Variants in AQP11 observed in about 807,000 individuals in gnomAD.
AQP11 encodes the protein aquaporin-11.
Under a neutral mutation model 21.1 loss-of-function variants are expected in AQP11, and 20 were observed. The observed-to-expected ratio is 0.95, with a 90% CI of 0.67 to 1.38. AQP11 has a LOEUF of 1.38. AQP11 is among the 40% of genes most tolerant of loss of function. The pLI is 0.00. For missense variants in AQP11, 339 were observed against 340.4 expected (o/e 1.00, Z 0.03); for synonymous variants, 167 against 150.1 (o/e 1.11, Z -0.82).
chr11:77,602,645 C>G (rs1029336401), intron 1 of AQP11, among the ~76,000 whole-genome samples: 3 of 152,156 alleles, frequency 2.0e-5, no homozygotes, highest in Non-Finnish European at 2.9e-5. Flanking sequence ...TGTTCTCGGC[C>G]TATTCAAGTG....
At chr11:77,603,183 A>T (rs533727938) in intron 1 of AQP11, among the ~76,000 whole-genome samples, 12 of 152,168 alleles carry the variant, frequency 7.9e-5, no homozygotes, top group Non-Finnish European at 1.6e-4. Context: ...GGGTCATTGT[A>T]TCTATTTAAC....
intron 2 of AQP11, among the ~76,000 whole-genome samples, chr11:77,607,816 A>G (rs1272596734): frequency 1.3e-5 from 2 of 152,070 alleles, no homozygotes; most frequent in Non-Finnish European, 1.5e-5. Flanking sequence ...ATTTCATACA[A>G]TGAAAAGTAG....
chr11:77,604,132 G>C lies in AQP11; in HGVS notation c.736+460G>C, dbSNP rs1267362067. On this transcript the variant is annotated intron_variant, in intron 2 of 2. Coordinates refer to ENST00000313578, the MANE Select transcript of AQP11 (RefSeq NM_173039.3). ...TTGTTTTTGTTTTGTTTTTTTTCGA[G>C]ACAGGGTCTCTCTTTGTCACCCAGG... is the stretch of plus-strand genomic sequence containing the variant. 3.3e-5 allele frequency among the ~76,000 whole-genome samples: 5 copies of C among 151,760 alleles called. No homozygotes were observed. In the East Asian group the frequency reaches 7.7e-4, roughly 23 times the overall value.
chr11:77,600,796 A>C (rs903781778), intron 1 of AQP11, among the ~76,000 whole-genome samples: 2 of 152,102 alleles, frequency 1.3e-5, no homozygotes, highest in Non-Finnish European at 2.9e-5. Flanking sequence ...GCGGATCACG[A>C]GGTCAGGAGA....
intron 1 of AQP11, among the ~76,000 whole-genome samples, chr11:77,601,798 C>T (rs1958816985): frequency 6.6e-6 from 1 of 152,224 alleles, no homozygotes; most frequent in Non-Finnish European, 1.5e-5. Flanking sequence ...CAGTTGTCAG[C>T]TGTCATCTAA....
chr11:77,608,413 G>C (rs1958858555), intron 2 of AQP11, among the ~76,000 whole-genome samples: 1 of 152,098 alleles, frequency 6.6e-6, no homozygotes, highest in South Asian at 2.1e-4. Flanking sequence ...ATGAGTTCGA[G>C]ACCAGACTGG....
chr11:77,606,354 T>C lies in AQP11; in HGVS notation c.736+2682T>C, dbSNP rs924659208. Among the ~76,000 whole-genome samples, 8 of 152,132 alleles carry C rather than the reference T, an allele frequency of 5.3e-5. No individual in the cohort carries two copies. The East Asian group carries it at 1.5e-3, about 29-fold the overall frequency. On this transcript the variant is annotated intron_variant, in intron 2 of 2. Transcript: ENST00000313578. ...AGCCTCACGATAGATAAAAAAGGAATGCTAAATCTTCTCCCTTTACAGAGC... is the reference window on the plus strand; with the variant it reads ...AGCCTCACGATAGATAAAAAAGGAACGCTAAATCTTCTCCCTTTACAGAGC...
chr11:77,592,401 T>A (rs903329783), intron 1 of AQP11, among the ~76,000 whole-genome samples: 1 of 152,178 alleles, frequency 6.6e-6, no homozygotes, highest in Non-Finnish European at 1.5e-5. Flanking sequence ...ATGAACAGAA[T>A]TGTCACTGCA....
At chr11:77,590,954 T>C (rs1434285992) in intron 1 of AQP11, 20 of 985,330 alleles carry the variant, frequency 2.0e-5, no homozygotes, top group Non-Finnish European at 2.4e-5. Context: ...GCCAAGGTGG[T>C]ATAGATCGTT....
intron 1 of AQP11, among the ~76,000 whole-genome samples, chr11:77,592,955 G>A (rs1398612713): frequency 1.3e-5 from 2 of 152,230 alleles, no homozygotes; most frequent in African/African-American, 4.8e-5. Context: ...CTTCACAGGT[G>A]ATCCCATTAT....
chr11:77,597,747 A>T (rs1288490259), intron 1 of AQP11, among the ~76,000 whole-genome samples: 3 of 151,570 alleles, frequency 2.0e-5, no homozygotes, highest in African/African-American at 7.3e-5. Flanking sequence ...TTAGAGAGGT[A>T]TTTTCTTTTT....
At position 77,592,320 on chromosome 11, in the gene AQP11, G is replaced by A. The variant is rs368596986; in HGVS notation, c.619+1709G>A. On this transcript the variant is annotated intron_variant, in intron 1 of 2. Coordinates refer to ENST00000313578, the MANE Select transcript of AQP11 (RefSeq NM_173039.3). ...AAGAGTGACAAGTACAGGCATATTTGAGGGATTGGTGGGTAGTTGCTTATT... is the reference window on the plus strand; with the variant it reads ...AAGAGTGACAAGTACAGGCATATTTAAGGGATTGGTGGGTAGTTGCTTATT... Among the ~76,000 whole-genome samples, 92 of 152,208 alleles carry A rather than the reference G, an allele frequency of 6.0e-4. 1 individual carries two copies. In the South Asian group the frequency reaches 0.018, roughly 30 times the overall value.
chr11:77,590,993 G>A (rs1958744364), intron 1 of AQP11: 4 of 985,256 alleles, frequency 4.1e-6, no homozygotes, highest in Non-Finnish European at 4.8e-6. Flanking sequence ...AAATGATCCT[G>A]GCTTTACAAA....
chr11:77,607,445 T>C (rs1958853109), intron 2 of AQP11, among the ~76,000 whole-genome samples: 1 of 152,112 alleles, frequency 6.6e-6, no homozygotes, highest in Non-Finnish European at 1.5e-5. Context: ...AATCCCAAGG[T>C]ATCCACCTTC....
rs750807297 is a variant in AQP11 at position 77,590,178 on chromosome 11, C to T, written c.186C>T (p.His62=). 2 of 1,602,684 alleles carry T rather than the reference C, an allele frequency of 1.2e-6. No individual in the cohort carries two copies. The highest frequency in any genetic ancestry group is 1.7e-6 in the Non-Finnish European group (2 of 1,176,034). The change falls in exon 1 of 3, where the codon CAC becomes CAT. Residue 62 remains histidine, a synonymous_variant. Transcript: ENST00000313578. The part of the protein sequence containing the change: ...LATFQLCCCT[H]ELQLLSEQHP... ...CCTTCCAGCTCTGCTGCTGCACCCA[C>T]GAGCTGCAACTGCTGAGCGAACAGC...
At chr11:77,599,238 C>G (rs960990973) in intron 1 of AQP11, among the ~76,000 whole-genome samples, 18 of 151,792 alleles carry the variant, frequency 1.2e-4, no homozygotes, top group Non-Finnish European at 2.5e-4. Context: ...TTATAGGCAC[C>G]TGCCACCACA....
At chr11:77,595,925 C>T (rs2135745159) in intron 1 of AQP11, among the ~76,000 whole-genome samples, 1 of 151,806 alleles carries the variant, frequency 6.6e-6, no homozygotes, top group Non-Finnish European at 1.5e-5. Flanking sequence ...TGCACTTCAG[C>T]CTGAGCAACA....
chr11:77,591,242 T>C, intron 1 of AQP11: 1 of 964,644 alleles, frequency 1.0e-6, no homozygotes, highest in Non-Finnish European at 1.2e-6. Flanking sequence ...AAATTAAAGA[T>C]GCTTTTTAAA....
rs1488795531 is a variant in AQP11, at chr11:77,590,485, A to G, written c.493A>G (p.Lys165Glu). 1.9e-6 allele frequency: 3 copies of G among 1,614,068 alleles called. No individual in the cohort carries two copies. Among genetic ancestry groups the G allele is most frequent in the Non-Finnish European group, 2.5e-6 (3 of 1,180,046 alleles). The change falls in exon 1 of 3, where the codon AAA (lysine) becomes GAA (glutamate). Residue 165 changes from lysine to glutamate, a missense_variant. Lys to Glu is a moderately conservative substitution (Grantham distance 56). Coordinates refer to ENST00000313578, the MANE Select transcript of AQP11 (RefSeq NM_173039.3). Reference protein sequence around the residue: ...CKNPIRVDLLKAVITEAVCSF... With the variant: ...CKNPIRVDLLEAVITEAVCSF... ...GAATCCCATCCGAGTCGACTTGCTCAAAGCGGTCATCACAGAGGCCGTCTG... is the reference window on the plus strand; with the variant it reads ...GAATCCCATCCGAGTCGACTTGCTCGAAGCGGTCATCACAGAGGCCGTCTG...
Sources: gnomAD v4.1 joint callset for allele counts (sites outside exome capture counted in the v4.1 genomes callset) on GRCh38, gnomAD v4.1.1 for gene constraint, MANE v1.5 for transcripts, NCBI Gene and HGNC (gene_info 2026-07-23, HGNC 2026-07-21) for gene names.